TBL1X: variants seen among roughly 807,000 people sequenced by gnomAD.
The protein encoded by TBL1X is F-box-like/WD repeat-containing protein TBL1X.
TBL1X carries 10 observed loss-of-function variants against 50.7 expected under a neutral mutation model. That is an observed-to-expected ratio of 0.20 (90% CI 0.12 to 0.33). TBL1X has a LOEUF of 0.33. Among genes scored for constraint, TBL1X ranks in the 10% least tolerant of loss-of-function variants. The probability of loss-of-function intolerance (pLI) is 1.00; values close to 1 mark genes in which losing one functional copy is unlikely to be tolerated. For synonymous variants in TBL1X, 190 were observed against 214.7 expected (o/e 0.88, Z 1.01); for missense variants, 340 against 504.4 (o/e 0.67, Z 3.12).
chrX:9,657,965 G>A (rs143319252), intron 5 of TBL1X, among the ~76,000 whole-genome samples: 476 of 111,899 alleles, frequency 4.3e-3, no homozygotes, highest in Non-Finnish European at 7.2e-3. Flanking sequence ...GTCATGGGGA[G>A]GGACCCAGTG....
rs994988522 is a variant in TBL1X at position 9,488,997 on chromosome X, T to G, written c.-200-12783T>G. Among the ~76,000 whole-genome samples the G allele has an allele frequency of 2.7e-5, 3 of 111,204 alleles. No individual in the cohort carries two copies. In the East Asian group the frequency reaches 8.4e-4, roughly 31 times the overall value. On this transcript the variant is annotated intron_variant, in intron 1 of 17. Coordinates refer to ENST00000645353, the MANE Select transcript of TBL1X (RefSeq NM_005647.4). ...CACCATGCTTGCCCTCAGTATTGATTCCCTCTGAATGAGCCAGGATTTGCT... is the reference window on the plus strand; with the variant it reads ...CACCATGCTTGCCCTCAGTATTGATGCCCTCTGAATGAGCCAGGATTTGCT...
intron 2 of TBL1X, among the ~76,000 whole-genome samples, chrX:9,602,826 T>C (rs1285247347): frequency 8.9e-6 from 1 of 112,543 alleles, no homozygotes; most frequent in African/African-American, 3.2e-5. Context: ...CAGGAAAGTC[T>C]CAATGATTTT....
chrX:9,506,267 T>G (rs2082025375), intron 2 of TBL1X, among the ~76,000 whole-genome samples: 1 of 111,388 alleles, frequency 9.0e-6, no homozygotes, highest in Non-Finnish European at 1.9e-5. Context: ...AACAAAGAGA[T>G]AATGTACCAG....
chrX:9,579,600 G>A (rs1337187870), intron 2 of TBL1X, among the ~76,000 whole-genome samples: 1 of 111,694 alleles, frequency 9.0e-6, no homozygotes, highest in African/African-American at 3.3e-5. Flanking sequence ...TTACACCACA[G>A]AGCCTCTGCG....
chrX:9,686,586 C>T (rs1344922595), intron 6 of TBL1X, among the ~76,000 whole-genome samples: 2 of 112,299 alleles, frequency 1.8e-5, no homozygotes, highest in African/African-American at 6.5e-5. Context: ...GTAACCCCAG[C>T]TACTCGGAGG....
chrX:9,567,902 G>A (rs755206462), intron 2 of TBL1X, among the ~76,000 whole-genome samples: 20 of 112,217 alleles, frequency 1.8e-4, no homozygotes, highest in African/African-American at 6.1e-4. Context: ...ACAAGGACGC[G>A]CAGAGATGAA....
chrX:9,701,920 C>T (rs2083176193), intron 12 of TBL1X, among the ~76,000 whole-genome samples: 1 of 112,026 alleles, frequency 8.9e-6, no homozygotes, highest in African/African-American at 3.2e-5. Flanking sequence ...GAGATGATCT[C>T]AGATGTGGAA....
intron 2 of TBL1X, among the ~76,000 whole-genome samples, chrX:9,576,332 G>A (rs2082411569): frequency 8.9e-6 from 1 of 112,393 alleles, no homozygotes; most frequent in Non-Finnish European, 1.9e-5. Flanking sequence ...TAACATCTAG[G>A]AACGGGTTTA....
At chrX:9,575,715 C>T (rs1601769162) in intron 2 of TBL1X, among the ~76,000 whole-genome samples, 1 of 112,086 alleles carries the variant, frequency 8.9e-6, no homozygotes, top group East Asian at 2.8e-4. Context: ...TGGCTAACTT[C>T]CATCAGAGAA....
At chrX:9,500,538 A>G (rs755921369) in intron 1 of TBL1X, among the ~76,000 whole-genome samples, 14 of 111,603 alleles carry the variant, frequency 1.3e-4, no homozygotes, top group African/African-American at 3.9e-4. Context: ...GGAGGTTGCA[A>G]TGAGCCGAGA....
intron 1 of TBL1X, among the ~76,000 whole-genome samples, chrX:9,467,281 ATCCGATCTAC>A (rs1160385223): frequency 9.0e-6 from 1 of 111,418 alleles, no homozygotes; most frequent in Non-Finnish European, 1.9e-5. Context: ...AATTCAGATT[ATCCGATCTAC>A]TCCTGCTGGA....
chrX:9,606,871 GTCTC>G (rs757551538), intron 2 of TBL1X, among the ~76,000 whole-genome samples: 3 of 112,113 alleles, frequency 2.7e-5, no homozygotes, highest in African/African-American at 6.5e-5. Flanking sequence ...AACTGCTGCT[GTCTC>G]TCTATGTTCC....
rs774050435 is a variant in TBL1X at position 9,492,838 on chromosome X, GGTGTGTGT to G, written c.-200-8889_-200-8882del. ...AATATTGTTGAGATTGGGGCTAGAG[GGTGTGTGT>G]GTGTGTGTGTGTGTGTGTGTGTGTG... On this transcript the variant is annotated intron_variant, in intron 1 of 17. Transcript: ENST00000645353. Among the ~76,000 whole-genome samples the G allele has an allele frequency of 5.2e-3, 297 of 56,987 alleles. 7 individuals are homozygous for G. Among genetic ancestry groups the G allele is most frequent in the Middle Eastern group, 0.017 (2 of 115 alleles). The allele number at this position is 56,987 out of a possible 115,157, so 49.5% of individuals were successfully genotyped here. A position where few individuals can be genotyped will look rare whatever the true frequency, so the allele number is the denominator to read the frequency against.
chrX:9,703,998 T>C (rs1489220657), intron 12 of TBL1X, among the ~76,000 whole-genome samples: 1 of 111,570 alleles, frequency 9.0e-6, no homozygotes, highest in Non-Finnish European at 1.9e-5. Context: ...ATTGGGAAGT[T>C]GTTGGATTCC....
chrX:9,691,206 C>T lies in TBL1X; in HGVS notation c.617-373C>T, dbSNP rs187060000. ...ATTCCAGCATTTTGGGAGGCTGGGG[C>T]AGGTGGATCACTTGAGGCCAGGAGT... On this transcript the variant is annotated intron_variant, in intron 7 of 17. Coordinates refer to ENST00000645353, the MANE Select transcript of TBL1X (RefSeq NM_005647.4). Among the ~76,000 whole-genome samples, 1,023 of 111,186 alleles carry T rather than the reference C, an allele frequency of 9.2e-3. 11 individuals carry two copies. The highest frequency in any genetic ancestry group is 0.03 in the African/African-American group (929 of 30,568).
At chrX:9,503,823 G>A (rs1475415428) in intron 2 of TBL1X, among the ~76,000 whole-genome samples, 5 of 112,922 alleles carry the variant, frequency 4.4e-5, no homozygotes, top group Admixed American at 9.3e-5. Context: ...AGGGGTGGCC[G>A]CAGTCTCTGC....
chrX:9,641,831 A>G (rs751475958), intron 3 of TBL1X, among the ~76,000 whole-genome samples: 22 of 112,465 alleles, frequency 2.0e-4, no homozygotes, highest in African/African-American at 6.5e-4. Flanking sequence ...GACCATGGAT[A>G]GAACATATTT....
At chrX:9,495,165 C>T (rs1002696457) in intron 1 of TBL1X, among the ~76,000 whole-genome samples, 2 of 111,201 alleles carry the variant, frequency 1.8e-5, no homozygotes, top group Non-Finnish European at 3.8e-5. Context: ...CTGCCCTCGA[C>T]GTTCATTTTA....
chrX:9,566,032 T>A (rs2082349770), intron 2 of TBL1X, among the ~76,000 whole-genome samples: 1 of 112,368 alleles, frequency 8.9e-6, no homozygotes, highest in Non-Finnish European at 1.9e-5. Context: ...CATGTATTAC[T>A]TTGTAAAGAC....
Sources: allele counts gnomAD v4.1 joint callset (sites outside exome capture counted in the v4.1 genomes callset), GRCh38; gene constraint gnomAD v4.1.1; transcripts MANE v1.5; gene names NCBI Gene and HGNC (gene_info 2026-07-23, HGNC 2026-07-21).